Variants in ERGIC1 observed in about 807,000 individuals in gnomAD.
ERGIC1 encodes endoplasmic reticulum-golgi intermediate compartment 1.
Under a neutral mutation model 38.3 loss-of-function variants are expected in ERGIC1, and 19 were observed. The ratio of observed to expected loss-of-function variants is 0.50; its 90% confidence interval spans 0.35 to 0.73. The LOEUF is 0.73. Ranked by LOEUF, ERGIC1 falls within the 30% of genes least tolerant of loss-of-function variation. The probability of loss-of-function intolerance (pLI) is 0.01; values close to 1 mark genes in which losing one functional copy is unlikely to be tolerated. For synonymous variants in ERGIC1, 124 were observed against 157.6 expected (o/e 0.79, Z 1.60); for missense variants, 294 against 389.2 (o/e 0.76, Z 2.06).
chr5:172,901,530 T>C (rs1762876055), intron 3 of ERGIC1, among the ~76,000 whole-genome samples: 1 of 152,228 alleles, frequency 6.6e-6, no homozygotes, highest in Non-Finnish European at 1.5e-5. Flanking sequence ...TCATGGTACC[T>C]TCCATACTAT....
At chr5:172,839,550 C>A (rs1761108827) in intron 1 of ERGIC1, among the ~76,000 whole-genome samples, 1 of 151,870 alleles carries the variant, frequency 6.6e-6, no homozygotes, top group Non-Finnish European at 1.5e-5. Context: ...GGTAACAGAG[C>A]AAGACCCTAT....
chr5:172,914,184 G>A (rs1375105218), intron 4 of ERGIC1, among the ~76,000 whole-genome samples: 2 of 141,466 alleles, frequency 1.4e-5, no homozygotes, highest in African/African-American at 2.7e-5. Context: ...GCAGTGAGTC[G>A]AGAGCATGCC....
intron 2 of ERGIC1, among the ~76,000 whole-genome samples, chr5:172,893,935 G>GTGTGTGTGTGTGTGTGTGTGTGTATA (rs1429850022): frequency 9.1e-4 from 39 of 42,810 alleles, no homozygotes; most frequent in African/African-American, 1.4e-3. Context: ...GTGTGTGTGT[G>GTGTGTGTGTGTGTGTGTGTGTGTATA]TATATATATA....
At position 172,834,656 on chromosome 5, in the gene ERGIC1, C is replaced by T. The variant is rs977585782; in HGVS notation, c.20+223C>T. ...TGCAGCGGGAGACAAATCCACCCACCTTCCCTCCGCCGAGCCCCCTCCCCA... is the reference window on the plus strand; with the variant it reads ...TGCAGCGGGAGACAAATCCACCCACTTTCCCTCCGCCGAGCCCCCTCCCCA... On this transcript the variant is annotated intron_variant, in intron 1 of 9. Transcript: ENST00000393784. This position sits in a 1 kb window ranked among gnomAD's most constrained non-coding sequence, Gnocchi z 4.1. Among the ~76,000 whole-genome samples the T allele has an allele frequency of 1.3e-5, 2 of 151,704 alleles. No homozygotes were observed. Among genetic ancestry groups the T allele is most frequent in the East Asian group, 1.9e-4 (1 of 5,134 alleles).
intron 1 of ERGIC1, among the ~76,000 whole-genome samples, chr5:172,847,426 A>G (rs1368486737): frequency 6.6e-6 from 1 of 152,170 alleles, no homozygotes; most frequent in Non-Finnish European, 1.5e-5. Context: ...GGCAACTGAA[A>G]TCAGTGGTTT....
chr5:172,881,424 C>T (rs921353963), intron 1 of ERGIC1, among the ~76,000 whole-genome samples: 1 of 152,156 alleles, frequency 6.6e-6, no homozygotes, highest in Admixed American at 6.5e-5. Context: ...GGACTCAGTT[C>T]CCCAAGGGCC....
At chr5:172,886,527 A>AT (rs1403628756) in intron 1 of ERGIC1, among the ~76,000 whole-genome samples, 12 of 152,114 alleles carry the variant, frequency 7.9e-5, no homozygotes, top group Admixed American at 3.3e-4. Context: ...CCAAGGGTTG[A>AT]TTTTTATCTC....
At chr5:172,903,896 CCTG>C (rs1762950803) in intron 3 of ERGIC1, among the ~76,000 whole-genome samples, 1 of 151,208 alleles carries the variant, frequency 6.6e-6, no homozygotes, top group Non-Finnish European at 1.5e-5. Context: ...CTAGGCTTCC[CCTG>C]CACTGCTGTA....
At chr5:172,855,217 G>A (rs1761515555) in intron 1 of ERGIC1, among the ~76,000 whole-genome samples, 1 of 152,180 alleles carries the variant, frequency 6.6e-6, no homozygotes, top group Non-Finnish European at 1.5e-5. Flanking sequence ...CAATGACGCT[G>A]GTTTCCAGGA....
In ERGIC1 at chr5:172,907,244, G is replaced by A. The variant is rs368685921; in HGVS notation, c.156-2423G>A. Reference sequence around the variant, plus strand: ...CCCGTGTGAGTGCGAGCCTGACCCCGTGGCTGTGCTCATATCAAGCCTAAA... The same window carrying A: ...CCCGTGTGAGTGCGAGCCTGACCCCATGGCTGTGCTCATATCAAGCCTAAA... On this transcript the variant is annotated intron_variant, in intron 3 of 9. Transcript: ENST00000393784. 2.2e-4 allele frequency among the ~76,000 whole-genome samples: 33 copies of A among 152,312 alleles called. 1 individual carries two copies. The South Asian group carries it at 6.0e-3, about 28-fold the overall frequency.
chr5:172,924,439 C>T (rs1292101332), intron 6 of ERGIC1, among the ~76,000 whole-genome samples: 2 of 152,170 alleles, frequency 1.3e-5, no homozygotes, highest in Non-Finnish European at 2.9e-5. Flanking sequence ...CACAAGGGCT[C>T]GCTTGGCAGC....
Position 172,834,559 on chromosome 5 carries a change from GC to G in ERGIC1, c.20+130del. The G allele has an allele frequency of 1.1e-6, 1 of 945,722 alleles. No individual in the cohort carries two copies. Among genetic ancestry groups the G allele is most frequent in the Non-Finnish European group, 1.3e-6 (1 of 741,500 alleles). The allele number at this position is 945,722 out of a possible 1,614,324, so 58.6% of individuals were successfully genotyped here. ...CCCCGCCCTGTGCATGCCTCCGCAG[GC>G]CCCTAGGGACCCCAGGCGAGCCCCC... On this transcript the variant is annotated intron_variant, in intron 1 of 9. Transcript: ENST00000393784. This position sits in a 1 kb window ranked among gnomAD's most constrained non-coding sequence, Gnocchi z 4.1.
intron 1 of ERGIC1, among the ~76,000 whole-genome samples, chr5:172,854,494 T>G (rs1356306718): frequency 6.6e-6 from 1 of 152,274 alleles, no homozygotes; most frequent in Non-Finnish European, 1.5e-5. Flanking sequence ...GTTTGCACGT[T>G]CTACCCACGT....
chr5:172,908,312 G>A (rs1211900032), intron 3 of ERGIC1, among the ~76,000 whole-genome samples: 1 of 30,460 alleles, frequency 3.3e-5, no homozygotes, highest in Non-Finnish European at 6.7e-5. Flanking sequence ...GGGGCGGGGG[G>A]GGGGGGAGAG....
intron 4 of ERGIC1, among the ~76,000 whole-genome samples, chr5:172,910,828 A>G (rs975856819): frequency 6.6e-6 from 1 of 152,112 alleles, no homozygotes; most frequent in Non-Finnish European, 1.5e-5. Context: ...CCTGGCCCAG[A>G]ATGAATTACT....
At chr5:172,897,109 T>C (rs1191185290) in intron 3 of ERGIC1, 35 bp downstream of exon 3, 1 of 1,602,876 alleles carries the variant, frequency 6.2e-7, no homozygotes, top group Admixed American at 1.7e-5. Context: ...CATTCCAGGA[T>C]GTTCTGGGAC....
chr5:172,869,739 A>T (rs745325374), intron 1 of ERGIC1, among the ~76,000 whole-genome samples: 9 of 152,224 alleles, frequency 5.9e-5, no homozygotes, highest in Non-Finnish European at 1.0e-4. Flanking sequence ...GTTTAGGGGC[A>T]TCTGGGGGTG....
chr5:172,868,352 A>G (rs1306075613), intron 1 of ERGIC1, among the ~76,000 whole-genome samples: 1 of 152,364 alleles, frequency 6.6e-6, no homozygotes, highest in East Asian at 1.9e-4. Flanking sequence ...TCATCCAGAC[A>G]GTGGGATATT....
At chr5:172,920,358 C>T in intron 5 of ERGIC1, 1 of 717,892 alleles carries the variant, frequency 1.4e-6, no homozygotes. Context: ...CTTATCCGAC[C>T]CCCAGGAAGT....
Sources: allele counts gnomAD v4.1 joint callset (sites outside exome capture counted in the v4.1 genomes callset), GRCh38; gene constraint gnomAD v4.1.1; non-coding constraint Gnocchi (gnomAD v3.1); transcripts MANE v1.5; gene names NCBI Gene and HGNC (gene_info 2026-07-23, HGNC 2026-07-21).